SNTB2: variants seen among roughly 807,000 people sequenced by gnomAD.
SNTB2 encodes the protein syntrophin beta 2.
SNTB2 carries 34 observed loss-of-function variants against 46.2 expected under a neutral mutation model. The observed-to-expected ratio is 0.74, with a 90% confidence interval of 0.56 to 0.98. SNTB2 has a LOEUF of 0.98. SNTB2 is among the 50% of genes least tolerant of loss of function. The pLI is 0.00. For missense variants in SNTB2, 603 were observed against 731.4 expected, an observed-to-expected ratio of 0.82 and a Z score of 2.02; for synonymous variants, 290 against 312.6, an observed-to-expected ratio of 0.93 and a Z score of 0.76.
At chr16:69,217,791 T>G (rs1964362744) in intron 1 of SNTB2, among the ~76,000 whole-genome samples, 1 of 152,240 alleles carries the variant, frequency 6.6e-6, no homozygotes, top group Non-Finnish European at 1.5e-5. Flanking sequence ...GGCCTCAGAT[T>G]TCTTAGGTTT....
intron 4 of SNTB2, among the ~76,000 whole-genome samples, chr16:69,282,985 C>T (rs1005621459): frequency 1.3e-5 from 2 of 152,186 alleles, no homozygotes; most frequent in Non-Finnish European, 2.9e-5. Context: ...CACTCTGTTG[C>T]CAAAGCTGGA....
chr16:69,213,637 G>A (rs1281589446), intron 1 of SNTB2, among the ~76,000 whole-genome samples: 1 of 149,022 alleles, frequency 6.7e-6, no homozygotes, highest in East Asian at 2.0e-4. Context: ...GTAGCTGGGA[G>A]TACAGGCGCG....
At chr16:69,265,060 T>A (rs1004036962) in intron 3 of SNTB2, among the ~76,000 whole-genome samples, 1 of 151,890 alleles carries the variant, frequency 6.6e-6, no homozygotes, top group African/African-American at 2.4e-5. Flanking sequence ...CCATCCTGTC[T>A]AACATGGTGA....
chr16:69,251,018 G>A (rs1216072608), intron 2 of SNTB2, among the ~76,000 whole-genome samples: 1 of 138,544 alleles, frequency 7.2e-6, no homozygotes, highest in East Asian at 2.1e-4. Flanking sequence ...TCGCTCTGTC[G>A]CCCAGGCTGG....
intron 1 of SNTB2, among the ~76,000 whole-genome samples, chr16:69,199,429 CATTA>C (rs1021357822): frequency 2.0e-5 from 3 of 151,782 alleles, no homozygotes; most frequent in African/African-American, 7.3e-5. Context: ...ACACAGGCAG[CATTA>C]ATTAAAGCGA....
intron 1 of SNTB2, among the ~76,000 whole-genome samples, chr16:69,198,240 C>A (rs1964124621): frequency 1.3e-5 from 2 of 151,878 alleles, no homozygotes; most frequent in Admixed American, 1.3e-4. Context: ...TCCTGAGTAG[C>A]TGGGACTACA....
intron 4 of SNTB2, among the ~76,000 whole-genome samples, chr16:69,276,880 G>A (rs1351769405): frequency 3.9e-5 from 6 of 152,154 alleles, no homozygotes; most frequent in African/African-American, 1.4e-4. Flanking sequence ...AAAAATGCCA[G>A]TTTAACTTCC....
chr16:69,222,305 G>A (rs527357523), intron 1 of SNTB2, among the ~76,000 whole-genome samples: 3 of 151,958 alleles, frequency 2.0e-5, no homozygotes, highest in Non-Finnish European at 4.4e-5. Flanking sequence ...TATTTAAAAG[G>A]CTACCAGCCT....
chr16:69,226,273 G>A (rs558135223), intron 1 of SNTB2, among the ~76,000 whole-genome samples: 1 of 151,772 alleles, frequency 6.6e-6, no homozygotes, highest in African/African-American at 2.4e-5. Context: ...GTTTCACTAT[G>A]TTGGCCAGAC....
intron 1 of SNTB2, among the ~76,000 whole-genome samples, chr16:69,241,538 A>G (rs1247030472): frequency 1.3e-5 from 2 of 148,828 alleles, no homozygotes; most frequent in Non-Finnish European, 3.0e-5. Flanking sequence ...TAATCCCAGC[A>G]CTTTGGGAGA....
intron 1 of SNTB2, among the ~76,000 whole-genome samples, chr16:69,203,196 T>G (rs987626431): frequency 6.6e-6 from 1 of 151,788 alleles, no homozygotes; most frequent in Middle Eastern, 3.2e-3. Flanking sequence ...TTTTGTACTT[T>G]TAGTAGAAAT....
intron 1 of SNTB2, among the ~76,000 whole-genome samples, chr16:69,238,428 A>G (rs1015979431): frequency 6.6e-6 from 1 of 152,162 alleles, no homozygotes; most frequent in Admixed American, 6.5e-5. Flanking sequence ...CCACATCTTC[A>G]TAAGTTGTCC....
chr16:69,191,251 A>C (rs1216371222), intron 1 of SNTB2: 8 of 148,596 alleles, frequency 5.4e-5, no homozygotes, highest in Admixed American at 2.0e-4. Flanking sequence ...AAGAAAAGAA[A>C]AGAGAAAAAA....
Position 69,304,095 on chromosome 16 carries a change from TCTCTC to T in SNTB2, c.*3174_*3178del, listed in dbSNP as rs1229722813. On this transcript the variant is annotated 3_prime_UTR_variant, in exon 7 of 7. Transcript: ENST00000336278. ...GTCTCCCACCTTTTCTCCTAAAACT[TCTCTC>T]CTTTCTCTCCATAAAAAGAAAAGGA... The T allele has an allele frequency of 6.6e-6, 1 of 152,042 alleles. No individual in the cohort carries two copies. Among genetic ancestry groups the T allele is most frequent in the Non-Finnish European group, 1.5e-5 (1 of 68,002 alleles). 9.4% of individuals were successfully genotyped at this position (152,042 alleles called of 1,614,324 possible).
At chr16:69,217,922 A>G (rs1467623526) in intron 1 of SNTB2, among the ~76,000 whole-genome samples, 3 of 152,176 alleles carry the variant, frequency 2.0e-5, no homozygotes, top group African/African-American at 7.2e-5. Context: ...CTGAATTATT[A>G]CTGAGGTCTC....
chr16:69,256,558 A>G (rs1014396887), intron 2 of SNTB2, among the ~76,000 whole-genome samples: 3 of 152,172 alleles, frequency 2.0e-5, no homozygotes, highest in African/African-American at 7.2e-5. Flanking sequence ...TCATGAAAGT[A>G]GGCTCATATG....
chr16:69,253,506 G>A (rs368809870), intron 2 of SNTB2, among the ~76,000 whole-genome samples: 125 of 151,884 alleles, frequency 8.2e-4, no homozygotes, highest in Middle Eastern at 3.4e-3. Flanking sequence ...AAAATTAGCC[G>A]GGCGTGGTGG....
chr16:69,267,766 A>T (rs1251650317), intron 3 of SNTB2, among the ~76,000 whole-genome samples: 1 of 152,102 alleles, frequency 6.6e-6, no homozygotes, highest in East Asian at 1.9e-4. Flanking sequence ...ACCAAACCAC[A>T]CATGCCACTT....
chr16:69,204,428 GA>G (rs1252218006), intron 1 of SNTB2, among the ~76,000 whole-genome samples: 1 of 152,148 alleles, frequency 6.6e-6, no homozygotes. Context: ...CTCCTCAAAA[GA>G]AAAACATGTT....
Sources: gnomAD v4.1 joint callset for allele counts (sites outside exome capture counted in the v4.1 genomes callset) on GRCh38, gnomAD v4.1.1 for gene constraint, MANE v1.5 for transcripts, NCBI Gene and HGNC (gene_info 2026-07-23, HGNC 2026-07-21) for gene names.